Variants in SGCD observed in about 807,000 individuals in gnomAD.
SGCD encodes delta-sarcoglycan.
Under a neutral mutation model 36.6 loss-of-function variants are expected in SGCD, and 18 were observed. That is an observed-to-expected ratio of 0.49 (90% confidence interval 0.34 to 0.73). The LOEUF is 0.73. Ranked by LOEUF, SGCD falls within the 30% of genes least tolerant of loss-of-function variation. The pLI is 0.01. For missense variants in SGCD, 387 were observed against 346.7 expected (o/e 1.12, Z -0.92); for synonymous variants, 133 against 130.6 (o/e 1.02, Z -0.12).
At chr5:156,411,673 C>A (rs561888450) in intron 3 of SGCD, among the ~76,000 whole-genome samples, 1 of 152,308 alleles carries the variant, frequency 6.6e-6, no homozygotes, top group South Asian at 2.1e-4. Context: ...TGAAAAGACA[C>A]TAGCATGGTA....
chr5:156,333,265 G>A (rs1281809406), intron 2 of SGCD, among the ~76,000 whole-genome samples: 1 of 152,112 alleles, frequency 6.6e-6, no homozygotes, highest in African/African-American at 2.4e-5. Flanking sequence ...TGTTGTAGCT[G>A]CTTTTCATGA....
At chr5:156,319,944 A>T (rs556162500) in intron 3 of SGCD, among the ~76,000 whole-genome samples, 55 of 152,242 alleles carry the variant, frequency 3.6e-4, no homozygotes, top group Non-Finnish European at 6.5e-4. Context: ...TATTAGTGAA[A>T]TAATATTTAT....
At chr5:156,222,481 C>T (rs1045182979) in intron 3 of SGCD, among the ~76,000 whole-genome samples, 3 of 151,888 alleles carry the variant, frequency 2.0e-5, no homozygotes, top group Non-Finnish European at 2.9e-5. Flanking sequence ...GCTTTTACGG[C>T]GATTATACTG....
chr5:156,162,761 G>A (rs547100917), intron 3 of SGCD, among the ~76,000 whole-genome samples: 1 of 151,632 alleles, frequency 6.6e-6, no homozygotes, highest in Non-Finnish European at 1.5e-5. Context: ...CAATTCACAT[G>A]CACATCAAAA....
intron 7 of SGCD, among the ~76,000 whole-genome samples, chr5:156,689,583 C>A (rs1754037120): frequency 6.6e-6 from 1 of 152,070 alleles, no homozygotes; most frequent in African/African-American, 2.4e-5. Context: ...GAAGCATAAT[C>A]CCTGGATCAC....
chr5:156,093,478 G>C (rs1016958484), intron 1 of SGCD, among the ~76,000 whole-genome samples: 1 of 152,158 alleles, frequency 6.6e-6, no homozygotes, highest in Non-Finnish European at 1.5e-5. Flanking sequence ...TGGAAGATTT[G>C]GTAAATATGT....
At chr5:155,953,282 A>G (rs1330869564) in intron 1 of SGCD, among the ~76,000 whole-genome samples, 1 of 152,176 alleles carries the variant, frequency 6.6e-6, no homozygotes, top group Non-Finnish European at 1.5e-5. Flanking sequence ...TAATTTCCCT[A>G]GACTGGGAGC....
chr5:155,871,777 A>T (rs765481453), intron 1 of SGCD, among the ~76,000 whole-genome samples: 2 of 152,204 alleles, frequency 1.3e-5, no homozygotes, highest in Non-Finnish European at 2.9e-5. Context: ...ATGGCTGGTG[A>T]CAGGAGGTTT....
chr5:156,492,116 G>A (rs547407140), intron 3 of SGCD, among the ~76,000 whole-genome samples: 1 of 152,144 alleles, frequency 6.6e-6, no homozygotes, highest in South Asian at 2.1e-4. Flanking sequence ...GATGGATATA[G>A]AGATTGTGTA....
chr5:156,438,129 G>A (rs532275564), intron 3 of SGCD, among the ~76,000 whole-genome samples: 1 of 152,310 alleles, frequency 6.6e-6, no homozygotes, highest in East Asian at 1.9e-4. Context: ...ATATTTGTCA[G>A]ATGTGAGGAC....
chr5:156,586,664 C>T (rs1452593203), intron 4 of SGCD, among the ~76,000 whole-genome samples: 1 of 152,114 alleles, frequency 6.6e-6, no homozygotes, highest in East Asian at 1.9e-4. Flanking sequence ...TGTTTTGTTC[C>T]TCAAATGCTT....
At chr5:156,328,960 G>A (rs1281057552) in intron 1 of SGCD, among the ~76,000 whole-genome samples, 2 of 152,162 alleles carry the variant, frequency 1.3e-5, no homozygotes, top group Non-Finnish European at 2.9e-5. Flanking sequence ...GAGCTCGGGT[G>A]TCATACTCCT....
At chr5:156,090,417 G>T (rs754093390) in intron 1 of SGCD, among the ~76,000 whole-genome samples, 3 of 152,150 alleles carry the variant, frequency 2.0e-5, no homozygotes, top group Non-Finnish European at 4.4e-5. Flanking sequence ...GGACTGTGAT[G>T]GCGACCTCGA....
At chr5:156,110,195 T>C (rs547698268) in intron 1 of SGCD, among the ~76,000 whole-genome samples, 13 of 152,264 alleles carry the variant, frequency 8.5e-5, no homozygotes, top group African/African-American at 2.9e-4. Context: ...GATAAGTTGA[T>C]TGTTTCTCCC....
chr5:155,861,626 G>A, the SGCD span, among the ~76,000 whole-genome samples: 4 of 152,196 alleles, frequency 2.6e-5, no homozygotes, highest in African/African-American at 9.6e-5. Flanking sequence ...GTTGAGGCAG[G>A]AGAATCTCTT....
At chr5:156,639,014 A>G (rs1172919842) in intron 6 of SGCD, among the ~76,000 whole-genome samples, 1 of 151,834 alleles carries the variant, frequency 6.6e-6, no homozygotes, top group Non-Finnish European at 1.5e-5. Context: ...TTTACTGTCT[A>G]TTCTTGTCTT....
intron 3 of SGCD, among the ~76,000 whole-genome samples, chr5:156,195,567 G>A (rs1292120547): frequency 1.3e-5 from 2 of 152,132 alleles, no homozygotes; most frequent in Non-Finnish European, 2.9e-5. Context: ...TCACTATCCA[G>A]TAATATCCAC....
At chr5:156,434,201 C>T (rs550924373) in intron 3 of SGCD, among the ~76,000 whole-genome samples, 3 of 152,320 alleles carry the variant, frequency 2.0e-5, no homozygotes, top group South Asian at 2.1e-4. Context: ...TCAGTGACAT[C>T]TTCTGAATGC....
At chr5:156,677,846 G>A (rs1485220049) in intron 7 of SGCD, among the ~76,000 whole-genome samples, 1 of 152,114 alleles carries the variant, frequency 6.6e-6, no homozygotes, top group Non-Finnish European at 1.5e-5. Context: ...TATTTCTATT[G>A]CATTCATTTA....
Sources: gnomAD v4.1 joint callset for allele counts (sites outside exome capture counted in the v4.1 genomes callset) on GRCh38, gnomAD v4.1.1 for gene constraint, MANE v1.5 for transcripts, NCBI Gene and HGNC (gene_info 2026-07-23, HGNC 2026-07-21) for gene names.